Variants in PLPP4 observed in about 807,000 individuals in gnomAD.
PLPP4 encodes phospholipid phosphatase 4, also known as diacylglycerol pyrophosphate like 2.
A neutral mutation model predicts 32.2 loss-of-function variants in PLPP4; 20 were observed. The observed-to-expected ratio is 0.62, with a 90% CI of 0.44 to 0.90. PLPP4 has a LOEUF of 0.90. Among genes scored for constraint, PLPP4 ranks in the 40% least tolerant of loss-of-function variants. The pLI, the probability that PLPP4 is intolerant of heterozygous loss-of-function variation, is 0.00. For synonymous variants in PLPP4, 127 were observed against 133.0 expected (o/e 0.95, Z 0.31); for missense variants, 257 against 353.1 (o/e 0.73, Z 2.18).
intron 6 of PLPP4, among the ~76,000 whole-genome samples, chr10:120,579,264 T>C (rs1274663330): frequency 6.6e-6 from 1 of 152,138 alleles, no homozygotes; most frequent in Non-Finnish European, 1.5e-5. Flanking sequence ...TGCGTGGTGT[T>C]TCATTATAAG....
chr10:120,479,100 C>T (rs1844077492), intron 1 of PLPP4, among the ~76,000 whole-genome samples: 1 of 152,138 alleles, frequency 6.6e-6, no homozygotes, highest in Non-Finnish European at 1.5e-5. Flanking sequence ...GTGGTGGGCG[C>T]CTGTAGTCCC....
At chr10:120,579,993 A>G (rs1849412608) in intron 6 of PLPP4, among the ~76,000 whole-genome samples, 1 of 150,816 alleles carries the variant, frequency 6.6e-6, no homozygotes, top group African/African-American at 2.4e-5. Flanking sequence ...GGTGATGGGC[A>G]CCTGTAGTCC....
At chr10:120,545,173 G>A (rs1332859763) in intron 5 of PLPP4, among the ~76,000 whole-genome samples, 1 of 152,258 alleles carries the variant, frequency 6.6e-6, no homozygotes, top group Admixed American at 6.5e-5. Flanking sequence ...CACTTAGCCA[G>A]CACCTGCCAT....
chr10:120,516,327 C>T (rs1210487816), intron 3 of PLPP4, among the ~76,000 whole-genome samples: 3 of 152,200 alleles, frequency 2.0e-5, no homozygotes, highest in Non-Finnish European at 4.4e-5. Flanking sequence ...GGCTTCCAAA[C>T]CTGGATCCCA....
intron 5 of PLPP4, among the ~76,000 whole-genome samples, chr10:120,569,461 G>A (rs944317770): frequency 6.6e-6 from 1 of 152,108 alleles, no homozygotes; most frequent in Non-Finnish European, 1.5e-5. Context: ...TGCAACATGA[G>A]GTAAGAAAAG....
chr10:120,575,113 G>T lies in PLPP4; in HGVS notation c.446-18G>T. The T allele has an allele frequency of 6.2e-7, 1 of 1,609,172 alleles. No individual in the cohort carries two copies. ...CTCACCACCTGCTAGAGTAACACCT[G>T]CTGTTTCTGTTTGGCAGTTGCCTTT... On this transcript the variant is annotated intron_variant, in intron 5 of 6. Coordinates refer to ENST00000398250, the MANE Select transcript of PLPP4 (RefSeq NM_001030059.3).
intron 5 of PLPP4, among the ~76,000 whole-genome samples, chr10:120,569,955 T>C (rs1238490900): frequency 6.6e-6 from 1 of 152,214 alleles, no homozygotes; most frequent in African/African-American, 2.4e-5. Context: ...TGATTTTTGC[T>C]CTATTTAAAG....
chr10:120,588,292 G>A (rs1390783653), intron 6 of PLPP4, among the ~76,000 whole-genome samples: 1 of 152,232 alleles, frequency 6.6e-6, no homozygotes, highest in African/African-American at 2.4e-5. Flanking sequence ...AGAACTACCT[G>A]AATGTTCTCT....
intron 1 of PLPP4, among the ~76,000 whole-genome samples, chr10:120,490,082 C>A (rs1844646014): frequency 6.6e-6 from 1 of 152,116 alleles, no homozygotes; most frequent in Non-Finnish European, 1.5e-5. Context: ...ATGATGATGA[C>A]CTGGTTATTC....
intron 5 of PLPP4, among the ~76,000 whole-genome samples, chr10:120,534,990 G>A (rs1189065840): frequency 1.3e-5 from 2 of 152,116 alleles, no homozygotes; most frequent in East Asian, 3.9e-4. Flanking sequence ...CCTGGTGTGT[G>A]ATCAGACTTT....
intron 5 of PLPP4, among the ~76,000 whole-genome samples, chr10:120,574,189 CTCTCTCT>C (rs1849099437): frequency 1.2e-4 from 15 of 129,570 alleles, no homozygotes; most frequent in African/African-American, 4.5e-4. Context: ...CTCTCTCTCT[CTCTCTCT>C]CTCTCTCTCT....
At chr10:120,564,781 T>C (rs1469275250) in intron 5 of PLPP4, among the ~76,000 whole-genome samples, 1 of 151,984 alleles carries the variant, frequency 6.6e-6, no homozygotes, top group Non-Finnish European at 1.5e-5. Flanking sequence ...TATACAGAAT[T>C]GTATTCATTA....
In PLPP4 at chr10:120,521,116, C is replaced by T. The variant is rs971663911; in HGVS notation, c.445+21C>T. 1.9e-6 allele frequency: 3 copies of T among 1,613,192 alleles called. No homozygotes were observed. The Admixed American group carries it at 5.0e-5, about 27-fold the overall frequency. ...CTCCTGTAAGTTCATGGCTGGGATT[C>T]TCTTAATGCCCCCAGTCATGTTTCC... On this transcript the variant is annotated intron_variant, in intron 5 of 6. Transcript: ENST00000398250.
At chr10:120,500,254 G>T (rs543845724) in intron 1 of PLPP4, among the ~76,000 whole-genome samples, 1 of 152,172 alleles carries the variant, frequency 6.6e-6, no homozygotes, top group South Asian at 2.1e-4. Flanking sequence ...AGGAAGGAAG[G>T]TGCTCTGTGG....
At chr10:120,473,851 C>T (rs1308998034) in intron 1 of PLPP4, among the ~76,000 whole-genome samples, 1 of 152,134 alleles carries the variant, frequency 6.6e-6, no homozygotes, top group Non-Finnish European at 1.5e-5. Context: ...TTTCCAGGAG[C>T]CTCCCCAGCC....
chr10:120,551,066 A>C (rs912566476), intron 5 of PLPP4, among the ~76,000 whole-genome samples: 1 of 152,168 alleles, frequency 6.6e-6, no homozygotes, highest in Admixed American at 6.5e-5. Flanking sequence ...AAAAAGCCCA[A>C]TACAAATGTA....
intron 3 of PLPP4, among the ~76,000 whole-genome samples, chr10:120,518,480 T>G (rs1459407543): frequency 6.6e-6 from 1 of 152,190 alleles, no homozygotes. Flanking sequence ...AAAGTTATGT[T>G]TCTTGTTACC....
intron 1 of PLPP4, among the ~76,000 whole-genome samples, chr10:120,469,734 A>G (rs1031237670): frequency 1.3e-5 from 2 of 152,160 alleles, no homozygotes; most frequent in African/African-American, 4.8e-5. Flanking sequence ...CTTTTTATAC[A>G]CATTTGTATA....
At chr10:120,575,021 ATGGCCT>A in intron 5 of PLPP4, 104 bp from the exon 6 acceptor site, 1 of 1,132,710 alleles carries the variant, frequency 8.8e-7, no homozygotes, top group South Asian at 1.4e-5. Flanking sequence ...TGGTGCCAAC[ATGGCCT>A]TGGCCTTGGG....
Sources: gnomAD v4.1 joint callset for allele counts (sites outside exome capture counted in the v4.1 genomes callset) on GRCh38, gnomAD v4.1.1 for gene constraint, MANE v1.5 for transcripts, NCBI Gene and HGNC (gene_info 2026-07-23, HGNC 2026-07-21) for gene names.